CUX1: variants seen among roughly 807,000 people sequenced by gnomAD.
CUX1 encodes the protein protein CASP.
In CUX1, 31 loss-of-function variants were observed where a neutral mutation model predicts 158.8. The ratio of observed to expected loss-of-function variants is 0.20; its 90% CI spans 0.15 to 0.26. The LOEUF is 0.26. Among genes scored for constraint, CUX1 ranks in the 10% least tolerant of loss-of-function variants. The pLI is 1.00. For synonymous variants in CUX1, 879 were observed against 862.1 expected, an observed-to-expected ratio of 1.02 and a Z score of -0.34; for missense variants, 1,589 against 2,014.6, an observed-to-expected ratio of 0.79 and a Z score of 4.04.
At chr7:102,190,697 C>T (rs1794180131) in intron 12 of CUX1, among the ~76,000 whole-genome samples, 1 of 152,202 alleles carries the variant, frequency 6.6e-6, no homozygotes, top group African/African-American at 2.4e-5. Context: ...GCGGCTGGAG[C>T]TCTGCTGGTT....
chr7:101,828,384 C>A lies in CUX1; in HGVS notation c.30+10715C>A, dbSNP rs866292608. On this transcript the variant is annotated intron_variant, in intron 1 of 23. Coordinates refer to ENST00000292535, the MANE Select transcript of CUX1 (RefSeq NM_181552.4). ...TATATGTATAATTGTACCTGTGGCA[C>A]ATAGAACACAAAAAGATCCACATTT... 5.9e-5 allele frequency among the ~76,000 whole-genome samples: 9 copies of A among 152,244 alleles called. No individual in the cohort carries two copies. In the South Asian group the frequency reaches 1.2e-3, roughly 21 times the overall value.
intron 1 of CUX1, among the ~76,000 whole-genome samples, chr7:101,853,386 G>C (rs967841550): frequency 1.3e-5 from 2 of 152,186 alleles, no homozygotes; most frequent in Admixed American, 1.3e-4. Context: ...GAGGTTGTCT[G>C]TTATAACTGT....
chr7:102,108,238 C>T (rs543982442), intron 6 of CUX1, among the ~76,000 whole-genome samples: 30 of 152,232 alleles, frequency 2.0e-4, no homozygotes, highest in African/African-American at 7.0e-4. Context: ...AAACATGCAC[C>T]GTACAAAATT....
Position 102,178,654 on chromosome 7 carries a change from C to G in CUX1, c.1014C>G (p.Leu338=), listed in dbSNP as rs2131783579. ...AGCTGAGCGCCAAAAACAGCACACT[C>G]AAAGTAAGGGGGCTGCGGGGCCCGG... ...EQQLSAKNST[L]KQLEEKLKGQ... Residue 338 remains leucine (L), a synonymous_variant, in exon 11 of 24, where the codon CTC becomes CTG. Coordinates refer to ENST00000292535, the MANE Select transcript of CUX1 (RefSeq NM_181552.4). 38 of 1,607,500 alleles carry G rather than the reference C, an allele frequency of 2.4e-5. No homozygotes were observed. The highest frequency in any genetic ancestry group is 3.2e-5 in the Non-Finnish European group (38 of 1,176,792).
At chr7:101,987,603 C>T (rs904700962) in intron 2 of CUX1, among the ~76,000 whole-genome samples, 1 of 152,260 alleles carries the variant, frequency 6.6e-6, no homozygotes, top group Non-Finnish European at 1.5e-5. Flanking sequence ...AGCCTGCTGA[C>T]TCACCGCCTG....
intron 2 of CUX1, among the ~76,000 whole-genome samples, chr7:101,924,041 T>A (rs1805292697): frequency 5.9e-5 from 9 of 152,216 alleles, no homozygotes; most frequent in Admixed American, 5.2e-4. Flanking sequence ...GATTTGTGGA[T>A]TCCTTCCCGA....
intron 1 of CUX1, among the ~76,000 whole-genome samples, chr7:101,909,962 C>G (rs1028268044): frequency 6.6e-6 from 1 of 152,176 alleles, no homozygotes; most frequent in Non-Finnish European, 1.5e-5. Flanking sequence ...CTCTGCTGCC[C>G]AGGCTGAAGT....
chr7:102,068,446 A>AG (rs58075964), intron 3 of CUX1, among the ~76,000 whole-genome samples: 132,133 of 151,922 alleles, frequency 0.87, 57,804 homozygotes, highest in East Asian at 0.99. Context: ...TATCGGGTTG[A>AG]GGGGGTGGAA....
chr7:102,035,885 GT>G (rs776828565), intron 3 of CUX1, among the ~76,000 whole-genome samples: 107 of 151,602 alleles, frequency 7.1e-4, no homozygotes, highest in Non-Finnish European at 1.1e-3. Flanking sequence ...AATTTTTTTT[GT>G]TTTGAGACAG....
chr7:101,963,325 C>T (rs1345555046), intron 2 of CUX1, among the ~76,000 whole-genome samples: 1 of 152,202 alleles, frequency 6.6e-6, no homozygotes, highest in Non-Finnish European at 1.5e-5. Flanking sequence ...GGTGCCCATC[C>T]GTCCACTCCT....
intron 11 of CUX1, among the ~76,000 whole-genome samples, chr7:102,179,670 G>A (rs965077789): frequency 1.3e-5 from 2 of 152,166 alleles, no homozygotes; most frequent in South Asian, 2.1e-4. Flanking sequence ...TTTATGATCC[G>A]TTGAAGCAAG....
chr7:101,905,830 C>A (rs536325991), intron 1 of CUX1, among the ~76,000 whole-genome samples: 1 of 152,254 alleles, frequency 6.6e-6, no homozygotes, highest in East Asian at 1.9e-4. Flanking sequence ...CTTGCTTCTC[C>A]ACGTGCCCAG....
chr7:102,124,690 T>C (rs6465850), intron 8 of CUX1, among the ~76,000 whole-genome samples: 34,552 of 152,066 alleles, frequency 0.23, 4,353 homozygotes, highest in Non-Finnish European at 0.29. Context: ...AAATGATACA[T>C]ATTTATAGGT....
At chr7:102,278,177 C>A in intron 18 of CUX1, 1 of 656,764 alleles carries the variant, frequency 1.5e-6, no homozygotes, top group Non-Finnish European at 2.6e-6. Flanking sequence ...CAGCACTGGG[C>A]CCCAGAGACC....
chr7:102,279,904 CCT>C, intron 18 of CUX1: 1 of 657,904 alleles, frequency 1.5e-6, no homozygotes, highest in Non-Finnish European at 2.7e-6. Context: ...TCTCCTCCCG[CCT>C]CTGAGATCTA....
intron 1 of CUX1, chr7:101,822,529 G>A (rs1180288348): frequency 6.6e-6 from 1 of 152,140 alleles, no homozygotes; most frequent in East Asian, 1.9e-4. Flanking sequence ...CACCTGGCTT[G>A]TGACTTAAAA....
At chr7:102,239,195 G>C in intron 22 of CUX1, 125 bp from the exon 23 acceptor site, 1 of 1,128,426 alleles carries the variant, frequency 8.9e-7, no homozygotes, top group East Asian at 2.6e-5. Flanking sequence ...CCTCATCTTA[G>C]TGTTTTGAGA....
intron 2 of CUX1, among the ~76,000 whole-genome samples, chr7:101,941,405 C>G (rs922545266): frequency 4.6e-5 from 7 of 152,196 alleles, no homozygotes; most frequent in South Asian, 2.1e-4. Context: ...GCTGGATTGT[C>G]TCTGAGGGAT....
At chr7:102,121,882 C>T (rs1458876969) in intron 8 of CUX1, among the ~76,000 whole-genome samples, 3 of 152,098 alleles carry the variant, frequency 2.0e-5, no homozygotes, top group South Asian at 2.1e-4. Flanking sequence ...GCTTTGTAAT[C>T]AAGCAGCAAA....
Sources: allele counts gnomAD v4.1 joint callset (sites outside exome capture counted in the v4.1 genomes callset), GRCh38; gene constraint gnomAD v4.1.1; transcripts MANE v1.5; gene names NCBI Gene and HGNC (gene_info 2026-07-23, HGNC 2026-07-21).